Variants in GALNT15 observed in about 807,000 individuals in gnomAD.
GALNT15 encodes polypeptide N-acetylgalactosaminyltransferase 15.
In GALNT15, 67 loss-of-function variants were observed where a neutral mutation model predicts 66.8. That is an observed-to-expected ratio of 1.00 (90% CI 0.82 to 1.23). The LOEUF is 1.23. GALNT15 is among the 50% of genes most tolerant of loss of function. GALNT15 has a pLI of 0.00. For synonymous variants in GALNT15, 313 were observed against 311.5 expected, an observed-to-expected ratio of 1.00 and a Z score of -0.05; for missense variants, 827 against 804.3, an observed-to-expected ratio of 1.03 and a Z score of -0.34.
chr3:16,190,950 G>A (rs1385493778), intron 1 of GALNT15, among the ~76,000 whole-genome samples: 1 of 152,240 alleles, frequency 6.6e-6, no homozygotes, highest in Admixed American at 6.5e-5. Flanking sequence ...CTTTCCCTGA[G>A]AGAGGAGAAG....
At chr3:16,233,092 A>ATTTTTTTTTTTTTTTTTTT (rs771943641), downstream of GALNT15, among the ~76,000 whole-genome samples, 5 of 48,074 alleles carry the variant, frequency 1.0e-4, no homozygotes, top group Non-Finnish European at 1.7e-4. Context: ...AGGATAATGC[A>ATTTTTTTTTTTTTTTTTTT]TCTTTTTTTT....
At chr3:16,208,157 G>A (rs181817964) in intron 3 of GALNT15, among the ~76,000 whole-genome samples, 4 of 152,182 alleles carry the variant, frequency 2.6e-5, no homozygotes, top group Admixed American at 6.5e-5. Flanking sequence ...TATAACACAA[G>A]CCACATATGT....
intron 1 of GALNT15, among the ~76,000 whole-genome samples, chr3:16,190,555 G>C (rs1462107255): frequency 6.6e-6 from 1 of 151,550 alleles, no homozygotes; most frequent in Non-Finnish European, 1.5e-5. Flanking sequence ...GGAGAATGGC[G>C]TGAGCCCGGG....
At chr3:16,218,078 G>T (rs2063899048) in intron 6 of GALNT15, among the ~76,000 whole-genome samples, 2 of 152,200 alleles carry the variant, frequency 1.3e-5, no homozygotes, top group East Asian at 3.8e-4. Flanking sequence ...CATCTCTGGG[G>T]CAGGGCCCAG....
intron 3 of GALNT15, among the ~76,000 whole-genome samples, chr3:16,205,014 C>G (rs949154294): frequency 6.6e-6 from 1 of 152,112 alleles, no homozygotes; most frequent in Admixed American, 6.5e-5. Context: ...TGCCTCCTGC[C>G]CCCCCAGAGG....
the GALNT15 span, among the ~76,000 whole-genome samples, chr3:16,241,084 C>T: frequency 3.3e-5 from 5 of 152,276 alleles, no homozygotes; most frequent in East Asian, 1.9e-4. This position sits in a 1 kb window ranked among gnomAD's most constrained non-coding sequence, Gnocchi z 4.6. Flanking sequence ...CTCGAACCCC[C>T]GGGCTGAATT....
At chr3:16,192,832 TTTTA>T (rs1478863664) in intron 1 of GALNT15, among the ~76,000 whole-genome samples, 2 of 152,250 alleles carry the variant, frequency 1.3e-5, no homozygotes, top group Non-Finnish European at 2.9e-5. Context: ...AAGTTCATTA[TTTTA>T]TTTGTTTTAA....
At chr3:16,207,482 C>T (rs2063768257) in intron 3 of GALNT15, among the ~76,000 whole-genome samples, 2 of 123,332 alleles carry the variant, frequency 1.6e-5, no homozygotes, top group Admixed American at 1.0e-4. Context: ...CATCACTCTG[C>T]AGTCATATCT....
At position 16,222,615 on chromosome 3, in the gene GALNT15, T is replaced by C; in HGVS notation, c.1630T>C (p.Tyr544His). 2 of 1,614,206 alleles carry C rather than the reference T, an allele frequency of 1.2e-6. No individual in the cohort carries two copies. The highest frequency in any genetic ancestry group is 1.7e-6 in the Non-Finnish European group (2 of 1,180,020). The stretch of plus-strand genomic sequence containing the variant: ...CTAACAACTATTGCTTCTGTCACAG[T>C]ACCTGCAGCACACCAGCAGGAAGGA... ...APCSDSRQQQ[Y>H]LQHTSRKEIH... Residue 544 changes from tyrosine (Y) to histidine (H), a missense_variant and splice_region_variant, in exon 9 of 10, where the codon TAC becomes CAC. By Grantham distance (83) the Tyr-to-His change is moderately conservative. Transcript: ENST00000339732.
At position 16,203,745 on chromosome 3, in the gene GALNT15, C is replaced by G. The variant is rs192397944; in HGVS notation, c.911+2922C>G. Among the ~76,000 whole-genome samples, 27 of 152,236 alleles carry G rather than the reference C, an allele frequency of 1.8e-4. No homozygotes were observed. The East Asian group carries it at 3.9e-3, about 22-fold the overall frequency. On this transcript the variant is annotated intron_variant, in intron 3 of 9. Coordinates refer to ENST00000339732, the MANE Select transcript of GALNT15 (RefSeq NM_054110.5). This position sits in a 1 kb window ranked among gnomAD's most constrained non-coding sequence, Gnocchi z 6.2. Reference sequence around the variant, plus strand: ...GGCCCTAGTGTCCAGCTTTTAGGCACTGGCAGGTGAGGATCTGGAAGAAAA... The same window carrying G: ...GGCCCTAGTGTCCAGCTTTTAGGCAGTGGCAGGTGAGGATCTGGAAGAAAA...
intron 2 of GALNT15, 98 bp downstream of exon 2, chr3:16,196,024 A>C (rs1463292285): frequency 2.4e-6 from 3 of 1,236,184 alleles, no homozygotes; most frequent in Non-Finnish European, 3.4e-6. Context: ...TATTTTAGGC[A>C]AGATTCCCCA....
chr3:16,215,419 G>C (rs2063860538), intron 6 of GALNT15, among the ~76,000 whole-genome samples: 1 of 152,222 alleles, frequency 6.6e-6, no homozygotes, highest in African/African-American at 2.4e-5. Flanking sequence ...TTGCTAAAGA[G>C]AAGTGGGGAA....
the GALNT15 span, among the ~76,000 whole-genome samples, chr3:16,239,522 C>T: frequency 8.6e-4 from 131 of 152,280 alleles, no homozygotes; most frequent in Non-Finnish European, 1.7e-3. This position sits in a 1 kb window ranked among gnomAD's most constrained non-coding sequence, Gnocchi z 5.2. Context: ...AAGTAGGAAC[C>T]TTCAATGCCC....
rs986422181 is a variant in GALNT15, at chr3:16,195,431, G to A, written c.540-329G>A. ...TTCTGATGCATGCTCAAGTGTGAGC[G>A]CTGTGAGGGTGATAATATTGTCATT... On this transcript the variant is annotated intron_variant, in intron 1 of 9. Transcript: ENST00000339732. This position sits in a 1 kb window ranked among gnomAD's most constrained non-coding sequence, Gnocchi z 4.6. 1.3e-5 allele frequency among the ~76,000 whole-genome samples: 2 copies of A among 152,194 alleles called. No individual in the cohort carries two copies. Among genetic ancestry groups the A allele is most frequent in the Non-Finnish European group, 2.9e-5 (2 of 68,036 alleles).
chr3:16,241,907 T>C, the GALNT15 span, among the ~76,000 whole-genome samples: 1 of 152,224 alleles, frequency 6.6e-6, no homozygotes, highest in Non-Finnish European at 1.5e-5. This position sits in a 1 kb window ranked among gnomAD's most constrained non-coding sequence, Gnocchi z 4.6. Flanking sequence ...CATGGGGCTC[T>C]AACTGGTGTC....
At position 16,184,723 on chromosome 3, in the gene GALNT15, C is replaced by A. The variant is rs569033719; in HGVS notation, c.539+9033C>A. On this transcript the variant is annotated intron_variant, in intron 1 of 9. Coordinates refer to ENST00000339732, the MANE Select transcript of GALNT15 (RefSeq NM_054110.5). This position sits in a 1 kb window ranked among gnomAD's most constrained non-coding sequence, Gnocchi z 5.0. ...ATCCCAAGAAGCACGGGTAGGGGCT[C>A]AGGAAAGCGGAGCAGAGATGCCTGA... is the stretch of plus-strand genomic sequence containing the variant. 6.6e-6 allele frequency among the ~76,000 whole-genome samples: 1 copy of A among 152,328 alleles called. No individual in the cohort carries two copies. Among genetic ancestry groups the A allele is most frequent in the South Asian group, 2.1e-4 (1 of 4,832 alleles).
At chr3:16,233,511 A>C (rs973518918), downstream of GALNT15, among the ~76,000 whole-genome samples, 3 of 151,970 alleles carry the variant, frequency 2.0e-5, no homozygotes, top group Non-Finnish European at 1.5e-5. Flanking sequence ...TTGACCAGGG[A>C]AGTTTTTTAA....
rs932275022 is a variant in GALNT15, at chr3:16,187,511, G to A, written c.540-8249G>A. On this transcript the variant is annotated intron_variant, in intron 1 of 9. Coordinates refer to ENST00000339732, the MANE Select transcript of GALNT15 (RefSeq NM_054110.5). The surrounding 1 kb of genome is among the most constrained non-coding windows in gnomAD (Gnocchi z 5.1). ...AGACTGTAATCCTCTATTAGGCTACGTTGGTTTCATTACATGGCATCTCAT... is the reference window on the plus strand; with the variant it reads ...AGACTGTAATCCTCTATTAGGCTACATTGGTTTCATTACATGGCATCTCAT... Among the ~76,000 whole-genome samples, 2 of 152,254 alleles carry A rather than the reference G, an allele frequency of 1.3e-5. No homozygotes were observed. Among genetic ancestry groups the A allele is most frequent in the Admixed American group, 6.5e-5 (1 of 15,296 alleles).
rs1353695335 is a variant in GALNT15, at chr3:16,175,856, G to A, written c.539+166G>A. On this transcript the variant is annotated intron_variant, in intron 1 of 9. Transcript: ENST00000339732. This position sits in a 1 kb window ranked among gnomAD's most constrained non-coding sequence, Gnocchi z 5.6. ...CGTCAGCAGCCCCTGGGCACTGGTG[G>A]GTTCTCAGAAATGCAGATTCTCAGA... is the stretch of plus-strand genomic sequence containing the variant. 2.0e-5 allele frequency among the ~76,000 whole-genome samples: 3 copies of A among 152,212 alleles called. No individual in the cohort carries two copies. The highest frequency in any genetic ancestry group is 7.2e-5 in the African/African-American group (3 of 41,458).
Sources: allele counts gnomAD v4.1 joint callset (sites outside exome capture counted in the v4.1 genomes callset), GRCh38; gene constraint gnomAD v4.1.1; non-coding constraint Gnocchi (gnomAD v3.1); transcripts MANE v1.5; gene names NCBI Gene and HGNC (gene_info 2026-07-23, HGNC 2026-07-21).